Variants in WDR25 observed in about 807,000 individuals in gnomAD.
The protein encoded by WDR25 is WD repeat domain 25, also known as WD repeat-containing protein 25.
A neutral mutation model predicts 47.7 loss-of-function variants in WDR25; 35 were observed. The ratio of observed to expected loss-of-function variants is 0.73; its 90% CI spans 0.56 to 0.97. The LOEUF (loss-of-function observed/expected upper bound fraction) is 0.97, where lower values mean the gene tolerates loss of function less well. WDR25 is among the 50% of genes least tolerant of loss of function. The probability of loss-of-function intolerance (pLI) is 0.00; values close to 1 mark genes in which losing one functional copy is unlikely to be tolerated. For missense variants in WDR25, 634 were observed against 704.7 expected (o/e 0.90, Z 1.14); for synonymous variants, 248 against 278.9 (o/e 0.89, Z 1.10).
Position 100,502,189 on chromosome 14 carries a change from GC to G in WDR25, c.1101+18071del, listed in dbSNP as rs571859765. Among the ~76,000 whole-genome samples the G allele has an allele frequency of 6.6e-6, 1 of 152,200 alleles. No homozygotes were observed. The highest frequency in any genetic ancestry group is 1.5e-5 in the Non-Finnish European group (1 of 68,002). On this transcript the variant is annotated intron_variant, in intron 4 of 6. Coordinates refer to ENST00000402312, the MANE Select transcript of WDR25 (RefSeq NM_001161476.3). The surrounding 1 kb of genome is among the most constrained non-coding windows in gnomAD (Gnocchi z 4.5). ...GATAGTTGTGGGAGGTGCAGGCAGA[GC>G]CCCCCACTGTGGTGGCCCTTGCCCT...
At chr14:100,459,937 T>TAC (rs1302820264) in intron 2 of WDR25, among the ~76,000 whole-genome samples, 5 of 97,700 alleles carry the variant, frequency 5.1e-5, no homozygotes, top group African/African-American at 1.4e-4. Context: ...TATATATATA[T>TAC]ATACACATAC....
At chr14:100,470,764 C>G (rs902017847) in intron 3 of WDR25, among the ~76,000 whole-genome samples, 1 of 152,130 alleles carries the variant, frequency 6.6e-6, no homozygotes, top group Non-Finnish European at 1.5e-5. Context: ...GATAGGACTG[C>G]GTTTGGAGAA....
In WDR25 at chr14:100,436,803, G is replaced by C. The variant is rs73347401; in HGVS notation, c.823-31218G>C. ...TATGTGCAGAAGAGAGCGTCTCTTC[G>C]CTCTCGCCCCCTGAGCTGTGGAGGG... is the stretch of plus-strand genomic sequence containing the variant. On this transcript the variant is annotated intron_variant, in intron 2 of 6. Transcript: ENST00000402312. Among the ~76,000 whole-genome samples, 748 of 152,288 alleles carry C rather than the reference G, an allele frequency of 4.9e-3. 10 individuals carry two copies. Among genetic ancestry groups the C allele is most frequent in the African/African-American group, 0.017 (704 of 41,554 alleles).
chr14:100,407,852 G>GTGTATTGCCTCTCACA lies in WDR25; in HGVS notation c.822+26113_822+26114insCCTCTCACATGTATTG, dbSNP rs1437643021. ...GCCTCTCACGTGTATTGCCTCTCAC[G>GTGTATTGCCTCTCACA]TGTATTGTCTGTGAGTGTGCTGGGC... On this transcript the variant is annotated intron_variant, in intron 2 of 6. Coordinates refer to ENST00000402312, the MANE Select transcript of WDR25 (RefSeq NM_001161476.3). The surrounding 1 kb of genome is among the most constrained non-coding windows in gnomAD (Gnocchi z 4.1). Among the ~76,000 whole-genome samples, 1 of 152,142 alleles carries GTGTATTGCCTCTCACA rather than the reference G, an allele frequency of 6.6e-6. No homozygotes were observed. The highest frequency in any genetic ancestry group is 1.5e-5 in the Non-Finnish European group (1 of 68,020).
chr14:100,449,558 T>C lies in WDR25; in HGVS notation c.823-18463T>C, dbSNP rs891078182. Among the ~76,000 whole-genome samples, 4 of 152,232 alleles carry C rather than the reference T, an allele frequency of 2.6e-5. No individual in the cohort carries two copies. The highest frequency in any genetic ancestry group is 9.6e-5 in the African/African-American group (4 of 41,452). On this transcript the variant is annotated intron_variant, in intron 2 of 6. Transcript: ENST00000402312. This position sits in a 1 kb window ranked among gnomAD's most constrained non-coding sequence, Gnocchi z 4.2. Reference sequence around the variant, plus strand: ...AGGCCTGTGCCCTGGGACATGGCTATGTATGACAGCCAGGACACTCTGCCT... The same window carrying C: ...AGGCCTGTGCCCTGGGACATGGCTACGTATGACAGCCAGGACACTCTGCCT...
chr14:100,384,352 T>A (rs1203228293), intron 2 of WDR25, among the ~76,000 whole-genome samples: 1 of 152,242 alleles, frequency 6.6e-6, no homozygotes, highest in Non-Finnish European at 1.5e-5. Flanking sequence ...CAAATTGACT[T>A]TGAACAACTT....
intron 2 of WDR25, among the ~76,000 whole-genome samples, chr14:100,464,909 C>T (rs952777080): frequency 3.3e-5 from 5 of 150,604 alleles, no homozygotes; most frequent in African/African-American, 7.3e-5. Context: ...CTCCTCTACC[C>T]GATCTGCTCT....
At chr14:100,487,221 T>C (rs1431113492) in intron 4 of WDR25, among the ~76,000 whole-genome samples, 1 of 152,192 alleles carries the variant, frequency 6.6e-6, no homozygotes, top group East Asian at 1.9e-4. Flanking sequence ...AGTAAGTATC[T>C]ATGGATCAAA....
At chr14:100,448,929 T>C (rs1898930880) in intron 2 of WDR25, among the ~76,000 whole-genome samples, 1 of 151,842 alleles carries the variant, frequency 6.6e-6, no homozygotes. Flanking sequence ...CAGAGGAATG[T>C]ACTTCAAACA....
chr14:100,498,474 G>A lies in WDR25; in HGVS notation c.1101+14350G>A, dbSNP rs566561241. Among the ~76,000 whole-genome samples, 1 of 152,152 alleles carries A rather than the reference G, an allele frequency of 6.6e-6. No individual in the cohort carries two copies. The highest frequency in any genetic ancestry group is 1.9e-4 in the East Asian group (1 of 5,166). On this transcript the variant is annotated intron_variant, in intron 4 of 6. Coordinates refer to ENST00000402312, the MANE Select transcript of WDR25 (RefSeq NM_001161476.3). The surrounding 1 kb of genome is among the most constrained non-coding windows in gnomAD (Gnocchi z 4.2). Reference sequence around the variant, plus strand: ...TTTTTTCAAAAAGGTCGGTTTTCTGGCTCACCTCACTCATTTGCTCATTGA... The same window carrying A: ...TTTTTTCAAAAAGGTCGGTTTTCTGACTCACCTCACTCATTTGCTCATTGA...
intron 2 of WDR25, among the ~76,000 whole-genome samples, chr14:100,402,713 A>G (rs1222635169): frequency 1.3e-5 from 2 of 152,232 alleles, no homozygotes; most frequent in African/African-American, 4.8e-5. Context: ...AGAGAATTAC[A>G]GGTGTCCCCC....
chr14:100,426,788 G>A (rs1898181585), intron 2 of WDR25, among the ~76,000 whole-genome samples: 1 of 152,166 alleles, frequency 6.6e-6, no homozygotes, highest in African/African-American at 2.4e-5. Flanking sequence ...CATTGTGCAA[G>A]GCAACCGGGC....
At chr14:100,514,213 A>C (rs914578194) in intron 4 of WDR25, among the ~76,000 whole-genome samples, 2 of 151,898 alleles carry the variant, frequency 1.3e-5, no homozygotes, top group Non-Finnish European at 2.9e-5. Context: ...TGGGATTACA[A>C]GCGTGAGCCA....
At position 100,446,100 on chromosome 14, in the gene WDR25, C is replaced by T. The variant is rs138023807; in HGVS notation, c.823-21921C>T. 1.8e-3 allele frequency among the ~76,000 whole-genome samples: 275 copies of T among 152,286 alleles called. 6 individuals are homozygous for T. The East Asian group carries it at 0.046, about 26-fold the overall frequency. ...TGACTGTTTCAGTGCTGTGCTCCAC[C>T]TTCCTCCTGGCGTGGTGGGGAAGGG... On this transcript the variant is annotated intron_variant, in intron 2 of 6. Transcript: ENST00000402312.
chr14:100,486,302 G>A (rs946113622), intron 4 of WDR25, among the ~76,000 whole-genome samples: 9 of 152,108 alleles, frequency 5.9e-5, no homozygotes, highest in Admixed American at 3.3e-4. Context: ...TAAAAATACC[G>A]GATTTTTTCC....
intron 4 of WDR25, among the ~76,000 whole-genome samples, chr14:100,521,200 A>ACG (rs970226677): frequency 6.6e-6 from 1 of 151,592 alleles, no homozygotes; most frequent in Non-Finnish European, 1.5e-5. Flanking sequence ...ACACACACAC[A>ACG]CACAGAGAGA....
At chr14:100,512,945 T>TA (rs1901356413) in intron 4 of WDR25, among the ~76,000 whole-genome samples, 1 of 152,234 alleles carries the variant, frequency 6.6e-6, no homozygotes, top group Non-Finnish European at 1.5e-5. Context: ...TCACAGTACA[T>TA]ACATTGTATA....
At chr14:100,411,589 T>G (rs1254761230) in intron 2 of WDR25, among the ~76,000 whole-genome samples, 2 of 151,102 alleles carry the variant, frequency 1.3e-5, no homozygotes, top group African/African-American at 4.9e-5. Flanking sequence ...CAGGCTGGAG[T>G]GCAATGGTGC....
intron 2 of WDR25, among the ~76,000 whole-genome samples, chr14:100,445,197 T>C (rs182181511): frequency 1.1e-4 from 16 of 152,350 alleles, no homozygotes; most frequent in Admixed American, 7.2e-4. Context: ...TATCAATGCA[T>C]TTCTCTGCAG....
Sources: gnomAD v4.1 joint callset for allele counts (sites outside exome capture counted in the v4.1 genomes callset) on GRCh38, gnomAD v4.1.1 for gene constraint, Gnocchi (gnomAD v3.1) non-coding constraint, MANE v1.5 for transcripts, NCBI Gene and HGNC (gene_info 2026-07-23, HGNC 2026-07-21) for gene names.